The following ADAM23 variants were observed in gnomAD, a reference collection of about 807,000 sequenced individuals.
ADAM23 encodes ADAM metallopeptidase domain 23, also known as disintegrin and metalloproteinase domain-containing protein 23.
ADAM23 carries 33 observed loss-of-function variants against 120.1 expected under a neutral mutation model. The observed-to-expected ratio is 0.27, with a 90% CI of 0.21 to 0.37. ADAM23 has a LOEUF of 0.37. Among genes scored for constraint, ADAM23 ranks in the 10% least tolerant of loss-of-function variants. The pLI is 1.00. For synonymous variants in ADAM23, 367 were observed against 375.2 expected (o/e 0.98, Z 0.25); for missense variants, 862 against 1,058.2 (o/e 0.81, Z 2.57).
chr2:206,451,635 T>C (rs1041933670), intron 2 of ADAM23, among the ~76,000 whole-genome samples: 1 of 152,204 alleles, frequency 6.6e-6, no homozygotes, highest in Non-Finnish European at 1.5e-5. Context: ...TTGAGATTTA[T>C]AGTTAGTATC....
chr2:206,582,536 A>T (rs1304195686), intron 18 of ADAM23, among the ~76,000 whole-genome samples: 4 of 152,110 alleles, frequency 2.6e-5, no homozygotes, highest in African/African-American at 9.7e-5. Context: ...CATTACATTC[A>T]ATGTTAGTGT....
intron 6 of ADAM23, 71 bp from the exon 7 acceptor site, chr2:206,547,358 G>T (rs1411495729): frequency 2.3e-6 from 3 of 1,307,226 alleles, no homozygotes; most frequent in Non-Finnish European, 3.2e-6. Flanking sequence ...ATTAGAGAAA[G>T]TTCCAACACT....
At chr2:206,498,805 G>T (rs1420952273) in intron 3 of ADAM23, among the ~76,000 whole-genome samples, 1 of 151,640 alleles carries the variant, frequency 6.6e-6, no homozygotes, top group Non-Finnish European at 1.5e-5. Flanking sequence ...AAATTTACAA[G>T]AAAAAAACAA....
intron 2 of ADAM23, among the ~76,000 whole-genome samples, chr2:206,466,050 A>C (rs1487376451): frequency 2.0e-5 from 3 of 152,230 alleles, no homozygotes; most frequent in African/African-American, 7.2e-5. Context: ...TCCTAAAATG[A>C]GATATTGTAT....
intron 6 of ADAM23, among the ~76,000 whole-genome samples, chr2:206,546,383 C>G (rs978694818): frequency 1.3e-5 from 2 of 151,966 alleles, no homozygotes; most frequent in African/African-American, 4.8e-5. Flanking sequence ...GTATGCTTTG[C>G]GATAAGTCAA....
chr2:206,579,962 T>C (rs968013443), intron 18 of ADAM23, among the ~76,000 whole-genome samples: 1 of 151,942 alleles, frequency 6.6e-6, no homozygotes, highest in African/African-American at 2.4e-5. Context: ...CCTAAGTATT[T>C]TTTTTTTTTG....
At chr2:206,527,578 A>G (rs1238902300) in intron 3 of ADAM23, among the ~76,000 whole-genome samples, 1 of 152,224 alleles carries the variant, frequency 6.6e-6, no homozygotes, top group Non-Finnish European at 1.5e-5. Context: ...AATCTTGCAC[A>G]TTTGTGCTGA....
chr2:206,514,350 A>G (rs555636600), intron 3 of ADAM23, among the ~76,000 whole-genome samples: 5 of 152,248 alleles, frequency 3.3e-5, no homozygotes, highest in African/African-American at 4.8e-5. Context: ...GTTGATTTCA[A>G]CCGTCATGGA....
chr2:206,477,897 A>AAAATATATATATATATATATATATATAT (rs374524658), intron 2 of ADAM23, among the ~76,000 whole-genome samples: 10 of 93,564 alleles, frequency 1.1e-4, no homozygotes, highest in African/African-American at 3.1e-4. Context: ...AAAAAAAAAA[A>AAAATATATATATATATATATATATATAT]ATATATATAT....
chr2:206,536,590 G>T (rs1188582828), intron 4 of ADAM23, among the ~76,000 whole-genome samples: 1 of 152,044 alleles, frequency 6.6e-6, no homozygotes, highest in Non-Finnish European at 1.5e-5. Flanking sequence ...ATTTTAGGTG[G>T]TCACGCCACA....
At chr2:206,495,528 A>T (rs1456067214) in intron 3 of ADAM23, among the ~76,000 whole-genome samples, 1 of 152,240 alleles carries the variant, frequency 6.6e-6, no homozygotes, top group African/African-American at 2.4e-5. Flanking sequence ...AACAACCGGT[A>T]CCAGCCACTG....
chr2:206,616,513 G>GA (rs1443998313), intron 25 of ADAM23, among the ~76,000 whole-genome samples: 7 of 152,168 alleles, frequency 4.6e-5, no homozygotes, highest in Non-Finnish European at 1.0e-4. Context: ...ACCATCTTGG[G>GA]AAAAATAAGA....
chr2:206,593,634 T>C (rs1316645795), intron 22 of ADAM23, among the ~76,000 whole-genome samples: 1 of 152,114 alleles, frequency 6.6e-6, no homozygotes, highest in Non-Finnish European at 1.5e-5. Flanking sequence ...TGGAATAAAT[T>C]TGTAGTCTCT....
intron 2 of ADAM23, among the ~76,000 whole-genome samples, chr2:206,446,733 G>A (rs1695089227): frequency 6.6e-6 from 1 of 151,842 alleles, no homozygotes; most frequent in African/African-American, 2.4e-5. Context: ...ACATTATTTT[G>A]AAGTGGCTGC....
At chr2:206,578,093 A>G (rs1319016848) in intron 18 of ADAM23, among the ~76,000 whole-genome samples, 6 of 152,204 alleles carry the variant, frequency 3.9e-5, no homozygotes, top group Non-Finnish European at 8.8e-5. Context: ...GTAAAATCTG[A>G]TAAATTAATT....
intron 2 of ADAM23, among the ~76,000 whole-genome samples, chr2:206,478,147 AG>A (rs1559225613): frequency 6.6e-6 from 1 of 151,852 alleles, no homozygotes; most frequent in East Asian, 1.9e-4. Flanking sequence ...ATTTTGGTAT[AG>A]AGAAGAATCT....
chr2:206,522,211 T>C (rs570472815), intron 3 of ADAM23, among the ~76,000 whole-genome samples: 20 of 152,146 alleles, frequency 1.3e-4, no homozygotes, highest in African/African-American at 4.8e-4. Flanking sequence ...TGTACACATA[T>C]AAAATTTGTT....
chr2:206,573,317 T>A, intron 18 of ADAM23, 122 bp downstream of exon 18: 4 of 920,438 alleles, frequency 4.3e-6, no homozygotes, highest in Non-Finnish European at 5.3e-6. Context: ...AATATTTGCA[T>A]ATTCATAATG....
intron 3 of ADAM23, among the ~76,000 whole-genome samples, chr2:206,520,222 T>C (rs1235983401): frequency 1.3e-5 from 2 of 152,148 alleles, no homozygotes; most frequent in Non-Finnish European, 2.9e-5. Flanking sequence ...CAGAGGCCCC[T>C]GTCTCAGTTC....
Sources: gnomAD v4.1 joint callset for allele counts (sites outside exome capture counted in the v4.1 genomes callset) on GRCh38, gnomAD v4.1.1 for gene constraint, MANE v1.5 for transcripts, NCBI Gene and HGNC (gene_info 2026-07-23, HGNC 2026-07-21) for gene names.